The following TRAPPC8 variants were observed in gnomAD, a reference collection of about 807,000 sequenced individuals.
The protein encoded by TRAPPC8 is trafficking protein particle complex subunit 8, also known as general sporulation gene 1 homolog.
TRAPPC8 carries 54 observed loss-of-function variants against 174.3 expected under a neutral mutation model. That is an observed-to-expected ratio of 0.31 (90% CI 0.25 to 0.39). The LOEUF (loss-of-function observed/expected upper bound fraction) is 0.39, where lower values mean the gene tolerates loss of function less well. Among genes scored for constraint, TRAPPC8 ranks in the 10% least tolerant of loss-of-function variants. The pLI is 1.00. For synonymous variants in TRAPPC8, 630 were observed against 579.9 expected, an observed-to-expected ratio of 1.09 and a Z score of -1.24; for missense variants, 1,531 against 1,699.1, an observed-to-expected ratio of 0.90 and a Z score of 1.74.
At chr18:31,866,758 C>T in intron 18 of TRAPPC8, 91 bp downstream of exon 18, 6 of 1,445,254 alleles carry the variant, frequency 4.2e-6, no homozygotes, top group South Asian at 1.4e-5. Flanking sequence ...TACATTAAAC[C>T]TATTTAGAAA....
Position 31,934,696 on chromosome 18 carries a change from C to T in TRAPPC8, c.158-3173G>A, listed in dbSNP as rs192756582. ...CAGCCTGGCCAACGTGGTGAAACCC[C>T]GTCTCTACTAAAAATACAAAATTAG... On this transcript the variant is annotated intron_variant, in intron 1 of 28. Coordinates refer to ENST00000283351, the MANE Select transcript of TRAPPC8 (RefSeq NM_014939.5). Among the ~76,000 whole-genome samples the T allele has an allele frequency of 6.3e-4, 95 of 151,926 alleles. 1 individual carries two copies. The East Asian group carries it at 0.018, about 29-fold the overall frequency.
intron 1 of TRAPPC8, among the ~76,000 whole-genome samples, chr18:31,934,444 A>G (rs2037991523): frequency 6.6e-6 from 1 of 152,160 alleles, no homozygotes; most frequent in East Asian, 1.9e-4. Context: ...AACTTAAATA[A>G]ACATACCAGC....
At chr18:31,917,740 C>T in intron 2 of TRAPPC8, 73 bp from the exon 3 acceptor site, 2 of 1,375,118 alleles carry the variant, frequency 1.5e-6, no homozygotes, top group Non-Finnish European at 2.0e-6. Context: ...AATTTCAAGT[C>T]CATATTCCTA....
intron 19 of TRAPPC8, among the ~76,000 whole-genome samples, chr18:31,862,724 C>T (rs187382112): frequency 2.0e-5 from 3 of 152,182 alleles, no homozygotes; most frequent in Admixed American, 2.0e-4. Context: ...TTACCTATAT[C>T]ACCACTACAT....
In TRAPPC8 at chr18:31,849,572, T is replaced by C. The variant is rs760099467; in HGVS notation, c.3729A>G (p.Leu1243=). ...ATAATTTAGTAGCACATACCTTCCA[T>C]AATATGACAATATTCAAATCTACCT... ...CSEVDLNIVI[L]WKAYVVEDSK... is the part of the protein sequence containing the mutation. The change falls in exon 25 of 29, where the codon TTA becomes TTG. Residue 1243 remains leucine, a synonymous_variant. Transcript: ENST00000283351. The C allele has an allele frequency of 1.4e-5, 23 of 1,605,738 alleles. No homozygotes were observed. Among genetic ancestry groups the C allele is most frequent in the African/African-American group, 5.4e-5 (4 of 74,556 alleles).
In TRAPPC8 at chr18:31,942,664, A is replaced by G; in HGVS notation, c.101T>C (p.Leu34Pro). ...CSDEAERLTRLNHLSFAELLK... is the reference protein window; with the variant it reads ...CSDEAERLTRPNHLSFAELLK... ...CAGCTCCGCGAAGCTGAGGTGATTG[A>G]GACGAGTGAGCCGCTCGGCTTCGTC... Residue 34 changes from leucine (L) to proline (P), a missense_variant, in exon 1 of 29, where the codon CTC (leucine) becomes CCC (proline). Coordinates refer to ENST00000283351, the MANE Select transcript of TRAPPC8 (RefSeq NM_014939.5). 1 of 1,611,396 alleles carries G rather than the reference A, an allele frequency of 6.2e-7. No individual in the cohort carries two copies. The highest frequency in any genetic ancestry group is 8.5e-7 in the Non-Finnish European group (1 of 1,178,794).
chr18:31,877,658 C>T (rs1316484154), intron 12 of TRAPPC8, among the ~76,000 whole-genome samples: 1 of 148,572 alleles, frequency 6.7e-6, no homozygotes, highest in African/African-American at 2.5e-5. Context: ...CACGGTGGCT[C>T]ACGCCTATAA....
chr18:31,921,864 AAT>A (rs1287750697), intron 2 of TRAPPC8, among the ~76,000 whole-genome samples: 1 of 152,186 alleles, frequency 6.6e-6, no homozygotes, highest in African/African-American at 2.4e-5. Context: ...GGGGAAATTC[AAT>A]ATGTTTATGT....
At chr18:31,919,869 A>G (rs2037311309) in intron 2 of TRAPPC8, among the ~76,000 whole-genome samples, 1 of 151,910 alleles carries the variant, frequency 6.6e-6, no homozygotes, top group African/African-American at 2.4e-5. Context: ...CTCAAAAAAT[A>G]TAAAATAAAA....
At chr18:31,907,399 G>A in intron 9 of TRAPPC8, 61 bp downstream of exon 9, 1 of 1,473,922 alleles carries the variant, frequency 6.8e-7, no homozygotes, top group Middle Eastern at 2.2e-4. Context: ...GCCACCAAGA[G>A]AAATTTCTAA....
At chr18:31,897,409 C>T (rs1350591607) in intron 11 of TRAPPC8, among the ~76,000 whole-genome samples, 1 of 151,994 alleles carries the variant, frequency 6.6e-6, no homozygotes, top group Non-Finnish European at 1.5e-5. Flanking sequence ...CTTTATCTCC[C>T]TAGCAAGCAG....
chr18:31,916,128 A>G (rs1028733264), intron 4 of TRAPPC8, 144 bp downstream of exon 4: 2 of 560,260 alleles, frequency 3.6e-6, no homozygotes, highest in Non-Finnish European at 5.7e-6. Flanking sequence ...GATAAAACAT[A>G]AAGTTAAATG....
intron 2 of TRAPPC8, among the ~76,000 whole-genome samples, chr18:31,917,997 G>A (rs912350423): frequency 2.6e-5 from 4 of 151,980 alleles, no homozygotes; most frequent in African/African-American, 4.8e-5. Flanking sequence ...ATGGTGGCAC[G>A]TGACTGTAAT....
intron 11 of TRAPPC8, 26 bp from the exon 12 acceptor site, chr18:31,890,892 G>A: frequency 6.4e-7 from 1 of 1,572,748 alleles, no homozygotes; most frequent in Non-Finnish European, 8.6e-7. Flanking sequence ...AAGAGAAAAA[G>A]GTTAGTTTCA....
At position 31,887,987 on chromosome 18, in the gene TRAPPC8, G is replaced by A. The variant is rs1394173194; in HGVS notation, c.1728+2748C>T. 2.0e-5 allele frequency among the ~76,000 whole-genome samples: 3 copies of A among 152,092 alleles called. No individual in the cohort carries two copies. The East Asian group carries it at 5.8e-4, about 29-fold the overall frequency. On this transcript the variant is annotated intron_variant, in intron 12 of 28. Coordinates refer to ENST00000283351, the MANE Select transcript of TRAPPC8 (RefSeq NM_014939.5). ...GCCCAAAACCTTCTTAAGCTGATAAGCAACTTCAGCAAAATCTCAGGATAC... is the reference window on the plus strand; with the variant it reads ...GCCCAAAACCTTCTTAAGCTGATAAACAACTTCAGCAAAATCTCAGGATAC...
intron 27 of TRAPPC8, among the ~76,000 whole-genome samples, chr18:31,834,266 C>T (rs374704223): frequency 5.3e-5 from 8 of 151,884 alleles, no homozygotes; most frequent in Non-Finnish European, 8.8e-5. Context: ...GCCACCACAC[C>T]CGGCTAATTT....
chr18:31,871,262 T>G (rs1230925884), intron 14 of TRAPPC8, 142 bp from the exon 15 acceptor site: 2 of 450,398 alleles, frequency 4.4e-6, no homozygotes, highest in African/African-American at 4.0e-5. Flanking sequence ...GTGAAAAATA[T>G]CCTCTCATTA....
chr18:31,922,389 T>TG (rs1469988504), intron 2 of TRAPPC8, among the ~76,000 whole-genome samples: 2 of 151,684 alleles, frequency 1.3e-5, no homozygotes, highest in Admixed American at 6.6e-5. Flanking sequence ...GCCCAGGAGT[T>TG]GGAGACCAGC....
At chr18:31,936,684 T>C (rs939145574) in intron 1 of TRAPPC8, among the ~76,000 whole-genome samples, 1 of 146,188 alleles carries the variant, frequency 6.8e-6, no homozygotes, top group Non-Finnish European at 1.5e-5. Flanking sequence ...GGTGGATCAC[T>C]TGAGGTCGGG....
Sources: gnomAD v4.1 joint callset for allele counts (sites outside exome capture counted in the v4.1 genomes callset) on GRCh38, gnomAD v4.1.1 for gene constraint, MANE v1.5 for transcripts, NCBI Gene and HGNC (gene_info 2026-07-23, HGNC 2026-07-21) for gene names.